The following LSM3 variants were observed in gnomAD, a reference collection of about 807,000 sequenced individuals.
LSM3 encodes the protein U6 snRNA-associated Sm-like protein LSm3.
In LSM3, 14 loss-of-function variants were observed where a neutral mutation model predicts 15.4. The ratio of observed to expected loss-of-function variants is 0.91; its 90% CI spans 0.60 to 1.42. The LOEUF is 1.42. LSM3 is among the 40% of genes most tolerant of loss of function. LSM3 has a pLI of 0.00. For missense variants in LSM3, 88 were observed against 127.9 expected, an observed-to-expected ratio of 0.69 and a Z score of 1.50; for synonymous variants, 46 against 45.1, an observed-to-expected ratio of 1.02 and a Z score of -0.08.
chr3:14,198,631 G>A lies in LSM3; in HGVS notation c.*515G>A, dbSNP rs898035319. 1 of 154,168 alleles carries A rather than the reference G, an allele frequency of 6.5e-6. No individual in the cohort carries two copies. Among genetic ancestry groups the A allele is most frequent in the Non-Finnish European group, 1.4e-5 (1 of 69,526 alleles). The allele number at this position is 154,168 out of a possible 1,614,324, so 9.6% of individuals were successfully genotyped here. Reference sequence around the variant, plus strand: ...CCCAGCACTTTGGGAGGCCAAGGTGGGTGGATCACCTGAGGTCAGGCGTTT... The same window carrying A: ...CCCAGCACTTTGGGAGGCCAAGGTGAGTGGATCACCTGAGGTCAGGCGTTT... On this transcript the variant is annotated 3_prime_UTR_variant, in exon 4 of 4. Transcript: ENST00000306024.
intron 3 of LSM3, among the ~76,000 whole-genome samples, chr3:14,192,721 C>T (rs1193896085): frequency 6.6e-6 from 1 of 152,172 alleles, no homozygotes; most frequent in African/African-American, 2.4e-5. Context: ...TGGGTCTTGA[C>T]TCTATCCAGT....
chr3:14,188,256 A>C (rs985002157), intron 3 of LSM3, among the ~76,000 whole-genome samples: 2 of 152,188 alleles, frequency 1.3e-5, no homozygotes, highest in Non-Finnish European at 2.9e-5. Context: ...TTAATGAGCC[A>C]CCTGTGACTA....
At chr3:14,183,521 T>A (rs1417531715) in intron 2 of LSM3, among the ~76,000 whole-genome samples, 1 of 152,248 alleles carries the variant, frequency 6.6e-6, no homozygotes, top group Admixed American at 6.5e-5. Context: ...GATTTTATCT[T>A]CTTTACTGTA....
At chr3:14,186,035 C>G (rs1697085640) in intron 3 of LSM3, among the ~76,000 whole-genome samples, 2 of 152,140 alleles carry the variant, frequency 1.3e-5, no homozygotes, top group South Asian at 4.1e-4. Context: ...CCTCAGCCTC[C>G]AAAGTAGCTG....
At chr3:14,192,247 T>G (rs1256444692) in intron 3 of LSM3, among the ~76,000 whole-genome samples, 1 of 152,232 alleles carries the variant, frequency 6.6e-6, no homozygotes, top group Non-Finnish European at 1.5e-5. Context: ...CTGAGAAGAA[T>G]GTGTATTCTG....
At chr3:14,181,410 A>G (rs1237287350) in intron 1 of LSM3, 150 bp from the exon 2 acceptor site, 18 of 625,704 alleles carry the variant, frequency 2.9e-5, no homozygotes, top group Middle Eastern at 4.5e-4. Flanking sequence ...CAAAAACAGT[A>G]TTAGGTAGAC....
At chr3:14,182,269 C>T (rs1167603351) in intron 2 of LSM3, among the ~76,000 whole-genome samples, 1 of 151,790 alleles carries the variant, frequency 6.6e-6, no homozygotes, top group Non-Finnish European at 1.5e-5. Context: ...TGTACATGTG[C>T]ACATACTTGC....
chr3:14,188,260 G>A (rs558329346), intron 3 of LSM3, among the ~76,000 whole-genome samples: 3 of 152,272 alleles, frequency 2.0e-5, no homozygotes, highest in African/African-American at 7.2e-5. Context: ...TGAGCCACCT[G>A]TGACTAGTGG....
Position 14,182,738 on chromosome 3 carries a change from T to C in LSM3, c.132+1068T>C, listed in dbSNP as rs573187934. Among the ~76,000 whole-genome samples the C allele has an allele frequency of 5.9e-5, 9 of 152,350 alleles. 1 individual carries two copies. In the South Asian group the frequency reaches 1.9e-3, roughly 32 times the overall value. On this transcript the variant is annotated intron_variant, in intron 2 of 3. Coordinates refer to ENST00000306024, the MANE Select transcript of LSM3 (RefSeq NM_014463.3). ...AAGCATTTTGTGTGTGATATCTCATTTAATCTTTATAACAACCCTATGATG... is the reference window on the plus strand; with the variant it reads ...AAGCATTTTGTGTGTGATATCTCATCTAATCTTTATAACAACCCTATGATG...
Position 14,184,099 on chromosome 3 carries a change from A to G in LSM3, c.228+67A>G, listed in dbSNP as rs150206844. 571 of 1,499,726 alleles carry G rather than the reference A, an allele frequency of 3.8e-4. 4 individuals are homozygous for G. The East Asian group carries it at 8.5e-3, about 22-fold the overall frequency. The allele number at this position is 1,499,726 out of a possible 1,614,324, so 92.9% of individuals were successfully genotyped here. ...TGTTCTCTCTCGAACAGCTTAACCC[A>G]TATTTATGGGAAGCCTGTCATGTTT... is the stretch of plus-strand genomic sequence containing the variant. On this transcript the variant is annotated intron_variant, in intron 3 of 3. Transcript: ENST00000306024.
chr3:14,181,280 A>G (rs1697035743), intron 1 of LSM3, among the ~76,000 whole-genome samples: 1 of 152,210 alleles, frequency 6.6e-6, no homozygotes, highest in South Asian at 2.1e-4. Context: ...GGAACAAAGT[A>G]TAGTCATGAT....
chr3:14,180,559 G>A (rs1004927019), intron 1 of LSM3, among the ~76,000 whole-genome samples: 8 of 152,094 alleles, frequency 5.3e-5, no homozygotes, highest in African/African-American at 1.9e-4. Flanking sequence ...AAAGTGCTGG[G>A]ATTCAAGCGT....
chr3:14,191,093 T>C (rs1193033395), intron 3 of LSM3, among the ~76,000 whole-genome samples: 2 of 152,206 alleles, frequency 1.3e-5, no homozygotes, highest in Non-Finnish European at 2.9e-5. Flanking sequence ...TTACATTGAT[T>C]TGCATATGTT....
chr3:14,179,026 G>A, intron 1 of LSM3, 145 bp downstream of exon 1: 1 of 849,648 alleles, frequency 1.2e-6, no homozygotes, highest in Non-Finnish European at 1.9e-6. Context: ...CCCCCCCTCC[G>A]AATTTTGCCG....
intron 1 of LSM3, among the ~76,000 whole-genome samples, chr3:14,181,332 A>G (rs1287072652): frequency 2.0e-5 from 3 of 152,200 alleles, no homozygotes; most frequent in African/African-American, 4.8e-5. Flanking sequence ...GTTTTAACCT[A>G]CATTTATATA....
chr3:14,191,263 G>A (rs775654943), intron 3 of LSM3, among the ~76,000 whole-genome samples: 1 of 152,138 alleles, frequency 6.6e-6, no homozygotes, highest in Non-Finnish European at 1.5e-5. Context: ...TTGTGTCTCT[G>A]CCAGATTTTG....
At chr3:14,187,007 T>A (rs1697095701) in intron 3 of LSM3, among the ~76,000 whole-genome samples, 1 of 152,252 alleles carries the variant, frequency 6.6e-6, no homozygotes, top group Non-Finnish European at 1.5e-5. Flanking sequence ...TTCATAAGCA[T>A]TTTAATGCTC....
At chr3:14,181,300 G>C (rs564873254) in intron 1 of LSM3, among the ~76,000 whole-genome samples, 3 of 152,302 alleles carry the variant, frequency 2.0e-5, no homozygotes, top group Admixed American at 2.0e-4. Context: ...TTATTTTGCT[G>C]TGTAACTTCT....
rs1433259957 is a variant in LSM3, at chr3:14,199,409, G to A, written c.*1293G>A. ...AATGTAGAAAATCCAACTTGTGGAT[G>A]GTTTGTCTGTAAATGAGCTGAATGT... On this transcript the variant is annotated 3_prime_UTR_variant, in exon 4 of 4. Coordinates refer to ENST00000306024, the MANE Select transcript of LSM3 (RefSeq NM_014463.3). The A allele has an allele frequency of 6.6e-6, 1 of 152,194 alleles. No individual in the cohort carries two copies. The highest frequency in any genetic ancestry group is 2.4e-5 in the African/African-American group (1 of 41,446). The allele number at this position is 152,194 out of a possible 1,614,324, so 9.4% of individuals were successfully genotyped here. A position where few individuals can be genotyped will look rare whatever the true frequency, so the allele number is the denominator to read the frequency against.
Sources: gnomAD v4.1 joint callset for allele counts (sites outside exome capture counted in the v4.1 genomes callset) on GRCh38, gnomAD v4.1.1 for gene constraint, MANE v1.5 for transcripts, NCBI Gene and HGNC (gene_info 2026-07-23, HGNC 2026-07-21) for gene names.